LRRTM3: variants seen among roughly 807,000 people sequenced by gnomAD.
LRRTM3 encodes leucine-rich repeat transmembrane neuronal protein 3.
A neutral mutation model predicts 44.7 loss-of-function variants in LRRTM3; 24 were observed. The ratio of observed to expected loss-of-function variants is 0.54; its 90% CI spans 0.39 to 0.76. The LOEUF is 0.76. Ranked by LOEUF, LRRTM3 falls within the 30% of genes least tolerant of loss-of-function variation. LRRTM3 has a pLI of 0.00. For synonymous variants in LRRTM3, 277 were observed against 278.7 expected, an observed-to-expected ratio of 0.99 and a Z score of 0.06; for missense variants, 587 against 702.2, an observed-to-expected ratio of 0.84 and a Z score of 1.85.
At chr10:66,961,221 T>G (rs752760041) in intron 2 of LRRTM3, among the ~76,000 whole-genome samples, 1 of 152,212 alleles carries the variant, frequency 6.6e-6, no homozygotes, top group Non-Finnish European at 1.5e-5. Context: ...TGGTGATTTC[T>G]ATTGTTTTGT....
chr10:66,960,035 A>G (rs2132766355), intron 2 of LRRTM3, among the ~76,000 whole-genome samples: 2 of 152,226 alleles, frequency 1.3e-5, no homozygotes, highest in African/African-American at 4.8e-5. Flanking sequence ...CAAGCCAGGT[A>G]TGTAAGTTTC....
At chr10:67,066,953 A>G (rs1856132091) in intron 2 of LRRTM3, among the ~76,000 whole-genome samples, 1 of 152,224 alleles carries the variant, frequency 6.6e-6, no homozygotes, top group African/African-American at 2.4e-5. Flanking sequence ...AACCCTCTTT[A>G]AAGTGAATCC....
rs557839634 is a variant in LRRTM3 at position 66,946,788 on chromosome 10, AT to A, written c.1536+18338del. Among the ~76,000 whole-genome samples the A allele has an allele frequency of 6.6e-3, 998 of 152,128 alleles. 6 individuals are homozygous for A. The highest frequency in any genetic ancestry group is 0.024 in the Middle Eastern group (7 of 294). On this transcript the variant is annotated intron_variant, in intron 2 of 2. Transcript: ENST00000361320. ...CACCACACCCAGGCACACACATAGA[AT>A]TAATCCCCCTCTTATTCAAATGATG...
chr10:67,071,435 ACATTT>A (rs1856454308), intron 2 of LRRTM3, among the ~76,000 whole-genome samples: 1 of 150,966 alleles, frequency 6.6e-6, no homozygotes, highest in Non-Finnish European at 1.5e-5. Context: ...TCTCAACACT[ACATTT>A]CATTTATCTT....
At chr10:67,071,153 T>C (rs556461504) in intron 2 of LRRTM3, among the ~76,000 whole-genome samples, 1 of 152,304 alleles carries the variant, frequency 6.6e-6, no homozygotes, top group African/African-American at 2.4e-5. Context: ...TTCAATATAG[T>C]TCACATTCAT....
chr10:67,093,154 A>G (rs532266305), intron 2 of LRRTM3, among the ~76,000 whole-genome samples: 1 of 123,106 alleles, frequency 8.1e-6, no homozygotes, highest in East Asian at 2.1e-4. Context: ...TGACAAGAAG[A>G]TTCTATGGAC....
At chr10:66,999,870 A>T (rs377376025) in intron 2 of LRRTM3, among the ~76,000 whole-genome samples, 1 of 152,182 alleles carries the variant, frequency 6.6e-6, no homozygotes, top group Admixed American at 6.5e-5. Context: ...AATAACAGCA[A>T]TGTATTCAGA....
At chr10:67,081,913 A>T (rs1225607012) in intron 2 of LRRTM3, among the ~76,000 whole-genome samples, 1 of 152,184 alleles carries the variant, frequency 6.6e-6, no homozygotes, top group South Asian at 2.1e-4. Flanking sequence ...TTATGTTTAT[A>T]TGCATGGATC....
intron 2 of LRRTM3, among the ~76,000 whole-genome samples, chr10:67,049,585 T>A (rs1423823997): frequency 1.3e-5 from 2 of 152,074 alleles, no homozygotes; most frequent in Non-Finnish European, 2.9e-5. Context: ...TTGCTTTGTG[T>A]TTAACTTGAA....
intron 2 of LRRTM3, among the ~76,000 whole-genome samples, chr10:67,032,659 A>T (rs1187017223): frequency 6.6e-6 from 1 of 152,234 alleles, no homozygotes; most frequent in Non-Finnish European, 1.5e-5. Context: ...AGTTAACAGA[A>T]CATTATTCAA....
intron 2 of LRRTM3, among the ~76,000 whole-genome samples, chr10:67,026,240 C>T (rs1442146540): frequency 6.6e-6 from 1 of 150,480 alleles, no homozygotes; most frequent in East Asian, 2.0e-4. Context: ...CACATGTACC[C>T]TAAAACTTAA....
chr10:66,956,399 T>C (rs2041463466), intron 2 of LRRTM3, among the ~76,000 whole-genome samples: 1 of 152,018 alleles, frequency 6.6e-6, no homozygotes, highest in South Asian at 2.1e-4. Flanking sequence ...ATCTTGTTAA[T>C]GTATTGACCC....
chr10:67,033,954 T>C (rs774812250), intron 2 of LRRTM3, among the ~76,000 whole-genome samples: 1 of 152,112 alleles, frequency 6.6e-6, no homozygotes, highest in Non-Finnish European at 1.5e-5. Flanking sequence ...GTATTTTTAA[T>C]AGAGACCAGG....
At chr10:67,068,576 T>C (rs951334362) in intron 2 of LRRTM3, among the ~76,000 whole-genome samples, 1 of 152,128 alleles carries the variant, frequency 6.6e-6, no homozygotes, top group Non-Finnish European at 1.5e-5. Flanking sequence ...AACAGAACTT[T>C]GGACAGTTCT....
intron 2 of LRRTM3, among the ~76,000 whole-genome samples, chr10:66,972,333 T>C (rs1849765872): frequency 6.6e-6 from 1 of 152,144 alleles, no homozygotes; most frequent in Non-Finnish European, 1.5e-5. Context: ...AGAATACATT[T>C]TTTTAGAGAT....
chr10:67,030,242 C>T (rs765697443), intron 2 of LRRTM3, among the ~76,000 whole-genome samples: 1 of 152,166 alleles, frequency 6.6e-6, no homozygotes, highest in Non-Finnish European at 1.5e-5. Flanking sequence ...GCATTCTGCT[C>T]TACATAATGG....
In LRRTM3 at chr10:67,020,426, T is replaced by G. The variant is rs568413796; in HGVS notation, c.1537-77161T>G. On this transcript the variant is annotated intron_variant, in intron 2 of 2. Coordinates refer to ENST00000361320, the MANE Select transcript of LRRTM3 (RefSeq NM_178011.5). Reference sequence around the variant, plus strand: ...TTATGAATGGATGGCAGCAGGGATATTGTAACTTATCTCAATTGTAAGTTA... The same window carrying G: ...TTATGAATGGATGGCAGCAGGGATAGTGTAACTTATCTCAATTGTAAGTTA... Among the ~76,000 whole-genome samples the G allele has an allele frequency of 1.3e-3, 200 of 152,314 alleles. 1 individual carries two copies. The highest frequency in any genetic ancestry group is 4.7e-3 in the African/African-American group (196 of 41,580).
intron 2 of LRRTM3, among the ~76,000 whole-genome samples, chr10:67,096,283 A>T (rs1293668895): frequency 6.6e-6 from 1 of 151,894 alleles, no homozygotes; most frequent in African/African-American, 2.4e-5. Context: ...GTAGAAATAC[A>T]TGTAAGTAGA....
At position 67,097,846 on chromosome 10, in the gene LRRTM3, G is replaced by C; in HGVS notation, c.*50G>C. ...TGCTACCAAACTTTGTAACCTCAAG[G>C]ACAAAATGAGGAAGATGTGTTCATT... is the stretch of plus-strand genomic sequence containing the variant. On this transcript the variant is annotated 3_prime_UTR_variant, in exon 3 of 3. Transcript: ENST00000361320. 1 of 1,526,458 alleles carries C rather than the reference G, an allele frequency of 6.6e-7. No individual in the cohort carries two copies. Among genetic ancestry groups the C allele is most frequent in the Non-Finnish European group, 9.1e-7 (1 of 1,102,480 alleles). The allele number at this position is 1,526,458 out of a possible 1,614,324, so 94.6% of individuals were successfully genotyped here.
Sources: allele counts gnomAD v4.1 joint callset (sites outside exome capture counted in the v4.1 genomes callset), GRCh38; gene constraint gnomAD v4.1.1; transcripts MANE v1.5; gene names NCBI Gene and HGNC (gene_info 2026-07-23, HGNC 2026-07-21).